The following LRBA variants were observed in gnomAD, a reference collection of about 807,000 sequenced individuals.
LRBA encodes the protein lipopolysaccharide-responsive and beige-like anchor protein.
LRBA carries 176 observed loss-of-function variants against 330.0 expected under a neutral mutation model. The ratio of observed to expected loss-of-function variants is 0.53; its 90% CI spans 0.47 to 0.60. The LOEUF (loss-of-function observed/expected upper bound fraction) is 0.60, where lower values mean the gene tolerates loss of function less well. LRBA is among the 20% of genes least tolerant of loss of function. The pLI is 0.00. For missense variants in LRBA, 3,259 were observed against 3,444.8 expected (o/e 0.95, Z 1.35); for synonymous variants, 1,230 against 1,193.0 (o/e 1.03, Z -0.64).
In LRBA at chr4:150,378,322, T is replaced by C. The variant is rs190265093; in HGVS notation, c.7195-28163A>G. On this transcript the variant is annotated intron_variant, in intron 47 of 56. Coordinates refer to ENST00000651943, the MANE Select transcript of LRBA (RefSeq NM_001364905.1). ...GAACTAGACAGCTATCTCTAAAAGG[T>C]ACACAATAATAACTGCTGCTTTTCA... Among the ~76,000 whole-genome samples, 11 of 152,324 alleles carry C rather than the reference T, an allele frequency of 7.2e-5. No homozygotes were observed. The East Asian group carries it at 2.1e-3, about 29-fold the overall frequency.
At chr4:151,008,229 C>T (rs113708898) in intron 2 of LRBA, among the ~76,000 whole-genome samples, 3,909 of 151,754 alleles carry the variant, frequency 0.026, 133 homozygotes, top group African/African-American at 0.085. Flanking sequence ...TACAGGCATG[C>T]GCCACCACAC....
At chr4:150,474,437 A>G (rs1283788014) in intron 42 of LRBA, among the ~76,000 whole-genome samples, 4 of 152,286 alleles carry the variant, frequency 2.6e-5, no homozygotes, top group South Asian at 4.1e-4. Context: ...AAGTTTTGAA[A>G]TCAAGGTACA....
chr4:150,844,566 T>G (rs1749573428), intron 27 of LRBA, 92 bp downstream of exon 27: 1 of 1,178,864 alleles, frequency 8.5e-7, no homozygotes, highest in African/African-American at 1.5e-5. Context: ...CTCTGCCAGA[T>G]TTATTTAACT....
At chr4:150,295,236 C>G (rs1182730502) in intron 53 of LRBA, among the ~76,000 whole-genome samples, 17 of 132,212 alleles carry the variant, frequency 1.3e-4, no homozygotes, top group African/African-American at 4.9e-4. Context: ...GGGTCTCACT[C>G]TGTTGCCCAG....
At chr4:150,695,276 G>A (rs75718548) in intron 36 of LRBA, among the ~76,000 whole-genome samples, 2,421 of 152,212 alleles carry the variant, frequency 0.016, 35 homozygotes, top group Non-Finnish European at 0.02. Flanking sequence ...ATAACAATCA[G>A]CTCTCTGTAT....
intron 48 of LRBA, among the ~76,000 whole-genome samples, chr4:150,332,028 T>C (rs1734066797): frequency 6.6e-6 from 1 of 152,172 alleles, no homozygotes; most frequent in South Asian, 2.1e-4. Context: ...CTTAGAACAG[T>C]TCATGGCACA....
At chr4:150,450,092 G>GA (rs533904836) in intron 44 of LRBA, among the ~76,000 whole-genome samples, 1 of 151,824 alleles carries the variant, frequency 6.6e-6, no homozygotes, top group Non-Finnish European at 1.5e-5. Flanking sequence ...TAAAATAATA[G>GA]AAAAAATGCT....
At chr4:150,952,920 T>G (rs1034659253) in intron 2 of LRBA, among the ~76,000 whole-genome samples, 13 of 152,170 alleles carry the variant, frequency 8.5e-5, no homozygotes, top group African/African-American at 3.1e-4. Context: ...ACAATTATTT[T>G]GCTTCCTTTC....
chr4:150,541,643 T>C (rs893530674), intron 40 of LRBA, among the ~76,000 whole-genome samples: 1 of 152,230 alleles, frequency 6.6e-6, no homozygotes, highest in Non-Finnish European at 1.5e-5. Flanking sequence ...TATGCTATTT[T>C]AATGATTCAA....
chr4:150,805,418 GA>G (rs1290612161), intron 33 of LRBA, among the ~76,000 whole-genome samples: 1 of 82,084 alleles, frequency 1.2e-5, no homozygotes, highest in African/African-American at 6.2e-5. Context: ...GAAAGGAAGG[GA>G]AAGGAAAGGA....
Position 150,683,584 on chromosome 4 carries a change from T to C in LRBA, c.5888A>G (p.Asp1963Gly), listed in dbSNP as rs746580353. The change falls in exon 37 of 57, where the codon GAC (aspartate) becomes GGC (glycine). Residue 1963 changes from aspartate (D) to glycine (G), a missense_variant. Transcript: ENST00000651943. ...AGAATTTCCCCAGGCTCCATGCTTG[T>C]CTGTGAGAATGTTGATAATTTTCTG... is the stretch of plus-strand genomic sequence containing the variant. ...LIQKIINILT[D>G]KHGAWGNSAV... The C allele has an allele frequency of 1.2e-6, 2 of 1,614,010 alleles. No individual in the cohort carries two copies. The highest frequency in any genetic ancestry group is 1.1e-5 in the South Asian group (1 of 91,078).
chr4:150,647,277 A>G (rs1268845560), intron 37 of LRBA, among the ~76,000 whole-genome samples: 2 of 151,700 alleles, frequency 1.3e-5, no homozygotes, highest in African/African-American at 4.8e-5. Context: ...AAGCTAAAGT[A>G]GGAAAATGCT....
chr4:150,902,588 A>G (rs1290073421), intron 13 of LRBA, among the ~76,000 whole-genome samples: 1 of 152,226 alleles, frequency 6.6e-6, no homozygotes, highest in Non-Finnish European at 1.5e-5. Context: ...CAAGCAACCA[A>G]TGGAAACCTC....
At chr4:150,608,977 C>T (rs146551890) in intron 37 of LRBA, among the ~76,000 whole-genome samples, 54 of 150,812 alleles carry the variant, frequency 3.6e-4, no homozygotes, top group Non-Finnish European at 4.9e-4. Flanking sequence ...TGTGTAGATA[C>T]GCTGCATTTT....
chr4:150,661,350 A>T (rs1415512965), intron 37 of LRBA, among the ~76,000 whole-genome samples: 1 of 151,236 alleles, frequency 6.6e-6, no homozygotes, highest in African/African-American at 2.4e-5. Flanking sequence ...AATCCCAGCT[A>T]TTCAGGAGGC....
chr4:150,514,505 G>C (rs1231214842), intron 40 of LRBA, among the ~76,000 whole-genome samples: 1 of 152,170 alleles, frequency 6.6e-6, no homozygotes, highest in Non-Finnish European at 1.5e-5. Flanking sequence ...AAAAAAACTT[G>C]TAAAACTATT....
chr4:150,279,630 A>G (rs1300836446), intron 55 of LRBA, among the ~76,000 whole-genome samples: 1 of 152,250 alleles, frequency 6.6e-6, no homozygotes, highest in African/African-American at 2.4e-5. Context: ...CCCAAATGCC[A>G]ACTTTTAGTA....
intron 55 of LRBA, among the ~76,000 whole-genome samples, chr4:150,278,265 C>G (rs781129521): frequency 1.3e-5 from 2 of 152,170 alleles, no homozygotes; most frequent in Non-Finnish European, 2.9e-5. Flanking sequence ...TCTACAAATG[C>G]TACTGGAATG....
At chr4:150,502,733 G>A (rs193101132) in intron 40 of LRBA, among the ~76,000 whole-genome samples, 5 of 152,358 alleles carry the variant, frequency 3.3e-5, no homozygotes, top group East Asian at 1.9e-4. Flanking sequence ...CGCACCGTGC[G>A]TGAGGCGAAG....
Sources: gnomAD v4.1 joint callset for allele counts (sites outside exome capture counted in the v4.1 genomes callset) on GRCh38, gnomAD v4.1.1 for gene constraint, MANE v1.5 for transcripts, NCBI Gene and HGNC (gene_info 2026-07-23, HGNC 2026-07-21) for gene names.